Variants in ANO4 observed in about 807,000 individuals in gnomAD.
The protein encoded by ANO4 is anoctamin-4.
ANO4 carries 69 observed loss-of-function variants against 141.9 expected under a neutral mutation model. The observed-to-expected ratio is 0.49, with a 90% CI of 0.40 to 0.59. The LOEUF is 0.59. ANO4 is among the 20% of genes least tolerant of loss of function. The pLI is 0.00. For synonymous variants in ANO4, 350 were observed against 394.3 expected (o/e 0.89, Z 1.33); for missense variants, 894 against 1,162.2 (o/e 0.77, Z 3.36).
At chr12:101,076,141 C>T (rs1457400921) in intron 14 of ANO4, among the ~76,000 whole-genome samples, 5 of 152,000 alleles carry the variant, frequency 3.3e-5, no homozygotes, top group Admixed American at 6.6e-5. Context: ...ATTTATGTTC[C>T]CCCAAATTCA....
chr12:100,848,278 T>C (rs1201217365), intron 1 of ANO4, among the ~76,000 whole-genome samples: 1 of 152,144 alleles, frequency 6.6e-6, no homozygotes, highest in African/African-American at 2.4e-5. Context: ...TACTCAGCAA[T>C]TGCATTGGGA....
chr12:100,974,479 G>A (rs1056814367), intron 6 of ANO4, among the ~76,000 whole-genome samples: 2 of 151,750 alleles, frequency 1.3e-5, no homozygotes, highest in African/African-American at 4.8e-5. Flanking sequence ...TATGTATGTT[G>A]CCCTCTGATC....
intron 17 of ANO4, 106 bp downstream of exon 17, chr12:101,086,930 C>A: frequency 7.7e-7 from 1 of 1,301,540 alleles, no homozygotes; most frequent in South Asian, 1.4e-5. Flanking sequence ...GTGGGCCATT[C>A]ACATAGCACT....
At chr12:100,878,382 A>C (rs531453678) in intron 1 of ANO4, among the ~76,000 whole-genome samples, 23 of 152,318 alleles carry the variant, frequency 1.5e-4, no homozygotes, top group Non-Finnish European at 2.5e-4. Flanking sequence ...AATAGGTGTT[A>C]ATTCTCTTTG....
intron 14 of ANO4, among the ~76,000 whole-genome samples, chr12:101,055,939 T>G (rs2048098480): frequency 1.3e-5 from 2 of 152,158 alleles, no homozygotes; most frequent in African/African-American, 4.8e-5. Context: ...CTTTTTGAAT[T>G]TTCTTGGTAC....
intron 1 of ANO4, among the ~76,000 whole-genome samples, chr12:100,798,712 A>G (rs1319046437): frequency 6.6e-6 from 1 of 152,244 alleles, no homozygotes; most frequent in East Asian, 1.9e-4. Context: ...CAGCCCCAAA[A>G]TAATGCAAGA....
intron 3 of ANO4, among the ~76,000 whole-genome samples, chr12:100,765,577 G>T (rs2033041193): frequency 6.6e-6 from 1 of 150,532 alleles, no homozygotes; most frequent in Admixed American, 6.6e-5. Flanking sequence ...TAGAGACAAG[G>T]TCTTGCCAGG....
rs1330088665 is a variant in ANO4, at chr12:100,915,392, GA to G, written c.56-6832del. Among the ~76,000 whole-genome samples the G allele has an allele frequency of 2.6e-5, 4 of 152,262 alleles. No individual in the cohort carries two copies. In the East Asian group the frequency reaches 7.7e-4, roughly 29 times the overall value. ...GAACTACCAAATAAAAATATTTGTA[GA>G]ATATAAATAGAATGTAGACAGAAGC... On this transcript the variant is annotated intron_variant, in intron 2 of 27. Transcript: ENST00000392977.
At chr12:100,757,866 C>T (rs2032682014) in intron 3 of ANO4, among the ~76,000 whole-genome samples, 2 of 152,176 alleles carry the variant, frequency 1.3e-5, no homozygotes, top group African/African-American at 4.8e-5. Flanking sequence ...GTTTTTCCTC[C>T]TCTGTGGGTC....
Position 101,120,643 on chromosome 12 carries a change from A to T in ANO4, c.2676+18A>T, listed in dbSNP as rs2051049064. On this transcript the variant is annotated intron_variant, in intron 26 of 27. Coordinates refer to ENST00000392977, the MANE Select transcript of ANO4 (RefSeq NM_001286615.2). ...TCTTTGAGGTAAGTTTCCTCAGCCA[A>T]ATTCTTTATTTCCTTTGACATAATG... 1 of 1,589,932 alleles carries T rather than the reference A, an allele frequency of 6.3e-7. No homozygotes were observed. Among genetic ancestry groups the T allele is most frequent in the African/African-American group, 1.3e-5 (1 of 74,478 alleles).
At position 101,006,908 on chromosome 12, in the gene ANO4, G is replaced by C. The variant is rs140886236; in HGVS notation, c.735-13126G>C. Reference sequence around the variant, plus strand: ...TCTTAAGTTTGTTAGTGGGTATATAGGTGTTTGATGTCGTTCACCAGTGCA... The same window carrying C: ...TCTTAAGTTTGTTAGTGGGTATATACGTGTTTGATGTCGTTCACCAGTGCA... On this transcript the variant is annotated intron_variant, in intron 8 of 27. Coordinates refer to ENST00000392977, the MANE Select transcript of ANO4 (RefSeq NM_001286615.2). 4.8e-3 allele frequency among the ~76,000 whole-genome samples: 729 copies of C among 152,236 alleles called. 9 individuals carry two copies. The highest frequency in any genetic ancestry group is 0.016 in the African/African-American group (673 of 41,536).
intron 1 of ANO4, among the ~76,000 whole-genome samples, chr12:100,726,666 C>G (rs1331278890): frequency 6.6e-6 from 1 of 152,186 alleles, no homozygotes; most frequent in East Asian, 1.9e-4. Flanking sequence ...AGAGACTGCA[C>G]TCGGAGGAGC....
chr12:100,910,811 T>G (rs1048381442), intron 2 of ANO4, among the ~76,000 whole-genome samples: 7 of 152,206 alleles, frequency 4.6e-5, no homozygotes, highest in Non-Finnish European at 7.4e-5. Context: ...ATATGTCCTT[T>G]AGTCTCATTT....
chr12:101,056,421 A>G (rs1184588636), intron 14 of ANO4, among the ~76,000 whole-genome samples: 1 of 152,176 alleles, frequency 6.6e-6, no homozygotes, highest in Non-Finnish European at 1.5e-5. Flanking sequence ...TAGAAATACA[A>G]TTAACTTTTG....
intron 14 of ANO4, among the ~76,000 whole-genome samples, chr12:101,073,992 A>G (rs1039781692): frequency 2.6e-5 from 4 of 152,158 alleles, no homozygotes; most frequent in Non-Finnish European, 5.9e-5. Flanking sequence ...TGTAAATACA[A>G]TTAATCGAGT....
At position 101,126,877 on chromosome 12, in the gene ANO4, A is replaced by G; in HGVS notation, c.2677-2A>G. ...ACGCTGTTACATTCTCCTCTGTTTT[A>G]GCACCTCGTGTTTTGTATAAAGCAC... On this transcript the variant is annotated splice_acceptor_variant, in intron 26 of 27. Coordinates refer to ENST00000392977, the MANE Select transcript of ANO4 (RefSeq NM_001286615.2). LOFTEE classifies it high-confidence loss of function. 6.2e-7 allele frequency: 1 copy of G among 1,611,288 alleles called. No homozygotes were observed.
intron 1 of ANO4, among the ~76,000 whole-genome samples, chr12:100,863,675 T>C (rs1327267366): frequency 6.6e-6 from 1 of 152,334 alleles, no homozygotes; most frequent in African/African-American, 2.4e-5. Context: ...CATTATATTA[T>C]TAAAACTTAA....
intron 5 of ANO4, among the ~76,000 whole-genome samples, chr12:100,944,760 T>C (rs1001646937): frequency 6.6e-6 from 1 of 152,166 alleles, no homozygotes; most frequent in South Asian, 2.1e-4. Context: ...GGTTCTCTTA[T>C]AGATAAATTA....
intron 14 of ANO4, among the ~76,000 whole-genome samples, chr12:101,062,998 C>G (rs1424924953): frequency 6.6e-6 from 1 of 152,194 alleles, no homozygotes; most frequent in Non-Finnish European, 1.5e-5. Flanking sequence ...TGCTTGAAAC[C>G]CAGGGCCCTG....
Sources: gnomAD v4.1 joint callset for allele counts (sites outside exome capture counted in the v4.1 genomes callset) on GRCh38, gnomAD v4.1.1 for gene constraint, MANE v1.5 for transcripts, NCBI Gene and HGNC (gene_info 2026-07-23, HGNC 2026-07-21) for gene names.